Variants in CDH13 observed in about 807,000 individuals in gnomAD.
CDH13 encodes cadherin-13.
In CDH13, 24 loss-of-function variants were observed where a neutral mutation model predicts 63.8. The observed-to-expected ratio is 0.38, with a 90% confidence interval of 0.27 to 0.53. The LOEUF is 0.53. Among genes scored for constraint, CDH13 ranks in the 20% least tolerant of loss-of-function variants. CDH13 has a pLI of 0.85. For synonymous variants in CDH13, 503 were observed against 355.3 expected (o/e 1.42, Z -4.67); for missense variants, 1,049 against 903.1 (o/e 1.16, Z -2.07).
chr16:82,852,937 T>C (rs1403298219), intron 1 of CDH13, among the ~76,000 whole-genome samples: 1 of 152,172 alleles, frequency 6.6e-6, no homozygotes, highest in Non-Finnish European at 1.5e-5. Context: ...ACTCCAAAGT[T>C]GGGTATATTC....
At chr16:83,195,505 A>T (rs1461544642) in intron 4 of CDH13, among the ~76,000 whole-genome samples, 2 of 152,030 alleles carry the variant, frequency 1.3e-5, no homozygotes, top group Non-Finnish European at 2.9e-5. Flanking sequence ...CAAGAGAGAG[A>T]TGGGGGAGGT....
chr16:83,621,527 C>T (rs1485150500), intron 8 of CDH13, among the ~76,000 whole-genome samples: 1 of 109,566 alleles, frequency 9.1e-6, no homozygotes, highest in Admixed American at 1.3e-4. Context: ...CACTCTGTCA[C>T]CCAGGCTGGA....
intron 13 of CDH13, among the ~76,000 whole-genome samples, chr16:83,787,686 T>G (rs1447126079): frequency 1.3e-5 from 2 of 152,198 alleles, no homozygotes; most frequent in African/African-American, 2.4e-5. Context: ...CTCACCCCTG[T>G]AATCCCAGCA....
At chr16:82,637,180 C>T (rs1908758156) in intron 1 of CDH13, among the ~76,000 whole-genome samples, 1 of 152,164 alleles carries the variant, frequency 6.6e-6, no homozygotes, top group African/African-American at 2.4e-5. Context: ...TTTGATTCAG[C>T]CACTGAATGA....
intron 1 of CDH13, among the ~76,000 whole-genome samples, chr16:82,748,771 G>T (rs1338611318): frequency 6.6e-6 from 1 of 152,112 alleles, no homozygotes; most frequent in African/African-American, 2.4e-5. Flanking sequence ...GAGCCAGGAT[G>T]GTAGAAGACC....
intron 4 of CDH13, among the ~76,000 whole-genome samples, chr16:83,172,839 G>A (rs575596282): frequency 5.9e-5 from 9 of 152,180 alleles, no homozygotes; most frequent in African/African-American, 1.9e-4. Context: ...AATGTGGATC[G>A]TTTCATCAGA....
intron 2 of CDH13, among the ~76,000 whole-genome samples, chr16:82,988,543 C>G (rs919673303): frequency 7.2e-5 from 11 of 152,036 alleles, no homozygotes; most frequent in Non-Finnish European, 1.5e-4. Context: ...GGGCAGATCA[C>G]CTGAGGTCAG....
intron 7 of CDH13, among the ~76,000 whole-genome samples, chr16:83,488,848 C>T (rs958069380): frequency 6.6e-6 from 1 of 152,180 alleles, no homozygotes; most frequent in Non-Finnish European, 1.5e-5. Flanking sequence ...TTGTCCCAAA[C>T]TCCTGACCTT....
intron 1 of CDH13, among the ~76,000 whole-genome samples, chr16:82,802,471 G>C (rs965424931): frequency 6.6e-6 from 1 of 152,086 alleles, no homozygotes; most frequent in Non-Finnish European, 1.5e-5. Context: ...GAGATTCAGA[G>C]GTTCTCCTTT....
intron 7 of CDH13, among the ~76,000 whole-genome samples, chr16:83,521,843 C>T (rs1419150212): frequency 6.6e-6 from 1 of 152,178 alleles, no homozygotes; most frequent in African/African-American, 2.4e-5. Context: ...AGAAATCTAA[C>T]CTCTTGCATT....
chr16:83,788,516 C>T (rs529464586), intron 13 of CDH13, among the ~76,000 whole-genome samples: 3 of 150,328 alleles, frequency 2.0e-5, no homozygotes, highest in Admixed American at 6.6e-5. Context: ...TTTTTCTTAC[C>T]AACAAGGGAT....
intron 6 of CDH13, among the ~76,000 whole-genome samples, chr16:83,359,070 A>G (rs1270205664): frequency 6.6e-6 from 1 of 152,092 alleles, no homozygotes; most frequent in Non-Finnish European, 1.5e-5. Context: ...AGGTTTTCAG[A>G]GAATATTAAT....
At chr16:83,479,433 G>A (rs780689876) in intron 6 of CDH13, among the ~76,000 whole-genome samples, 4 of 152,098 alleles carry the variant, frequency 2.6e-5, no homozygotes, top group African/African-American at 7.2e-5. Flanking sequence ...TTGACGGGCA[G>A]ATCACGAGTT....
At chr16:83,391,992 G>A (rs540855766) in intron 6 of CDH13, among the ~76,000 whole-genome samples, 57 of 152,262 alleles carry the variant, frequency 3.7e-4, no homozygotes, top group Non-Finnish European at 4.0e-4. Flanking sequence ...ACTCTATGTA[G>A]TCAGGAGCTC....
chr16:83,115,312 C>T (rs114352104), intron 3 of CDH13, among the ~76,000 whole-genome samples: 144 of 152,242 alleles, frequency 9.5e-4, no homozygotes, highest in African/African-American at 3.4e-3. Flanking sequence ...GTGAGATAAT[C>T]ATACAATGTG....
At chr16:83,767,740 C>T (rs945928512) in intron 11 of CDH13, among the ~76,000 whole-genome samples, 5 of 152,082 alleles carry the variant, frequency 3.3e-5, no homozygotes, top group Admixed American at 2.6e-4. Context: ...TGAAAGAATC[C>T]AGACCCAAAA....
At chr16:83,327,514 A>C (rs1257088529) in intron 5 of CDH13, among the ~76,000 whole-genome samples, 1 of 152,218 alleles carries the variant, frequency 6.6e-6, no homozygotes, top group African/African-American at 2.4e-5. Context: ...TTGAAAATCT[A>C]CTGTTTGAAA....
intron 7 of CDH13, among the ~76,000 whole-genome samples, chr16:83,516,233 G>A (rs941844285): frequency 2.6e-5 from 4 of 152,188 alleles, no homozygotes; most frequent in African/African-American, 9.7e-5. Flanking sequence ...GCCAAAGAAT[G>A]AGAAGCAAAA....
intron 3 of CDH13, among the ~76,000 whole-genome samples, chr16:83,074,918 C>G (rs564759608): frequency 2.6e-5 from 4 of 152,242 alleles, no homozygotes; most frequent in Non-Finnish European, 4.4e-5. Flanking sequence ...GTGTCCAACA[C>G]TTATAATGAG....
Sources: allele counts gnomAD v4.1 joint callset (sites outside exome capture counted in the v4.1 genomes callset), GRCh38; gene constraint gnomAD v4.1.1; transcripts MANE v1.5; gene names NCBI Gene and HGNC (gene_info 2026-07-23, HGNC 2026-07-21).